DRC8: variants seen among roughly 807,000 people sequenced by gnomAD.
DRC8 encodes the protein dynein regulatory complex subunit 8.
At chr1:244,979,292 C>CTTTTTTTTTTTTTTTTTTTTTTTTTTTT in the DRC8 span, among the ~76,000 whole-genome samples, 1 of 51,370 alleles carries the variant, frequency 1.9e-5, no homozygotes, top group Non-Finnish European at 3.1e-5. Context: ...CGAAGCTTAT[C>CTTTTTTTTTTTTTTTTTTTTTTTTTTTT]TTTTTTTTTT....
At chr1:244,970,495 G>C in the DRC8 span, 1 of 1,516,382 alleles carries the variant, frequency 6.6e-7, no homozygotes, top group Non-Finnish European at 8.8e-7. Flanking sequence ...CCGCGACCCC[G>C]GGCTGCACGG....
At chr1:245,104,602 A>G in the DRC8 span, among the ~76,000 whole-genome samples, 1 of 151,880 alleles carries the variant, frequency 6.6e-6, no homozygotes, top group Non-Finnish European at 1.5e-5. Context: ...TGCTTCACCT[A>G]TTCTCCCTCA....
At chr1:245,035,168 T>C in the DRC8 span, among the ~76,000 whole-genome samples, 1 of 138,556 alleles carries the variant, frequency 7.2e-6, no homozygotes. Context: ...TTGCAATCTC[T>C]ATCAAAATCC....
the DRC8 span, among the ~76,000 whole-genome samples, chr1:245,061,843 C>T: frequency 3.3e-5 from 5 of 152,214 alleles, no homozygotes; most frequent in East Asian, 1.9e-4. Context: ...CAGCAGCTCA[C>T]GCCTGCAATC....
chr1:245,104,515 A>G, the DRC8 span, among the ~76,000 whole-genome samples: 1 of 151,784 alleles, frequency 6.6e-6, no homozygotes, highest in Admixed American at 6.6e-5. Context: ...AAAAAAAAAA[A>G]AAAGAAAAGA....
At chr1:245,117,213 C>A in the DRC8 span, among the ~76,000 whole-genome samples, 1 of 151,968 alleles carries the variant, frequency 6.6e-6, no homozygotes, top group Non-Finnish European at 1.5e-5. Flanking sequence ...CCACCACACC[C>A]GGCTAATTTC....
At chr1:245,082,663 T>C in the DRC8 span, among the ~76,000 whole-genome samples, 1,842 of 152,144 alleles carry the variant, frequency 0.012, 17 homozygotes, top group Non-Finnish European at 0.02. Flanking sequence ...GAGGCAAGTA[T>C]TATCATCCCA....
chr1:244,976,937 G>T, the DRC8 span, among the ~76,000 whole-genome samples: 1 of 152,234 alleles, frequency 6.6e-6, no homozygotes, highest in Admixed American at 6.5e-5. Flanking sequence ...GTATATACGT[G>T]TAGTGAAATA....
At chr1:245,050,777 T>C in the DRC8 span, among the ~76,000 whole-genome samples, 2 of 152,196 alleles carry the variant, frequency 1.3e-5, no homozygotes, top group Admixed American at 1.3e-4. Context: ...TTTGGAGTTT[T>C]TTCTTCCTCT....
chr1:245,006,159 A>G, the DRC8 span, among the ~76,000 whole-genome samples: 1 of 152,226 alleles, frequency 6.6e-6, no homozygotes, highest in Non-Finnish European at 1.5e-5. Flanking sequence ...TTTAAACCAG[A>G]CGGTCAAATT....
At chr1:245,025,779 T>C in the DRC8 span, among the ~76,000 whole-genome samples, 2 of 152,204 alleles carry the variant, frequency 1.3e-5, no homozygotes, top group Non-Finnish European at 2.9e-5. Context: ...AATTGAATCA[T>C]AGGGGCAGGT....
chr1:245,058,661 C>G, the DRC8 span, among the ~76,000 whole-genome samples: 1 of 152,234 alleles, frequency 6.6e-6, no homozygotes, highest in African/African-American at 2.4e-5. Context: ...ATTACACATC[C>G]CTGTCTTAAT....
At chr1:245,053,007 C>G in the DRC8 span, among the ~76,000 whole-genome samples, 1 of 152,134 alleles carries the variant, frequency 6.6e-6, no homozygotes, top group African/African-American at 2.4e-5. Context: ...ACAGATAAGT[C>G]ACATTACTTT....
chr1:245,010,909 C>G, the DRC8 span, among the ~76,000 whole-genome samples: 3 of 151,930 alleles, frequency 2.0e-5, no homozygotes, highest in Admixed American at 6.6e-5. Flanking sequence ...TCTCGATCTT[C>G]TAACCTCTTG....
chr1:245,100,518 T>C, the DRC8 span, among the ~76,000 whole-genome samples: 1 of 152,052 alleles, frequency 6.6e-6, no homozygotes, highest in Non-Finnish European at 1.5e-5. Flanking sequence ...CAGTGGCTTA[T>C]GCCTGTAATC....
chr1:245,042,539 C>T, the DRC8 span, among the ~76,000 whole-genome samples: 3,190 of 152,276 alleles, frequency 0.021, 45 homozygotes, highest in Middle Eastern at 0.048. Flanking sequence ...TCCGTAAGGG[C>T]GAGGTCTTTA....
At chr1:245,015,202 G>A in the DRC8 span, among the ~76,000 whole-genome samples, 1 of 152,050 alleles carries the variant, frequency 6.6e-6, no homozygotes, top group Non-Finnish European at 1.5e-5. Context: ...CTGCAGCCTC[G>A]ACCTGCTGAC....
At chr1:244,972,717 T>G in the DRC8 span, among the ~76,000 whole-genome samples, 1 of 150,188 alleles carries the variant, frequency 6.7e-6, no homozygotes, top group African/African-American at 2.5e-5. Context: ...CTCAGGAGGC[T>G]GAGACAGGAG....
At chr1:245,061,265 T>G in the DRC8 span, among the ~76,000 whole-genome samples, 1 of 152,236 alleles carries the variant, frequency 6.6e-6, no homozygotes, top group African/African-American at 2.4e-5. Context: ...CAACTGTTAC[T>G]TGGTGGGCAT....
Sources: allele counts gnomAD v4.1 joint callset (sites outside exome capture counted in the v4.1 genomes callset), GRCh38; gene constraint gnomAD v4.1.1; transcripts MANE v1.5; gene names NCBI Gene and HGNC (gene_info 2026-07-23, HGNC 2026-07-21).